The following AGBL1 variants were observed in gnomAD, a reference collection of about 807,000 sequenced individuals.
AGBL1 encodes cytosolic carboxypeptidase 4.
Under a neutral mutation model 118.9 loss-of-function variants are expected in AGBL1, and 130 were observed. The ratio of observed to expected loss-of-function variants is 1.09; its 90% CI spans 0.95 to 1.26. AGBL1 has a LOEUF of 1.26. AGBL1 is among the 50% of genes most tolerant of loss of function. The probability of loss-of-function intolerance (pLI) is 0.00; values close to 1 mark genes in which losing one functional copy is unlikely to be tolerated. For missense variants in AGBL1, 1,584 were observed against 1,298.1 expected, an observed-to-expected ratio of 1.22 and a Z score of -3.38; for synonymous variants, 555 against 478.9, an observed-to-expected ratio of 1.16 and a Z score of -2.08.
chr15:86,774,038 G>T (rs1405872429), intron 22 of AGBL1, among the ~76,000 whole-genome samples: 2 of 152,026 alleles, frequency 1.3e-5, no homozygotes, highest in African/African-American at 2.4e-5. Flanking sequence ...CTATTAATTA[G>T]GGCAGGTGGT....
At chr15:86,823,070 A>C (rs1327863818) in intron 22 of AGBL1, among the ~76,000 whole-genome samples, 1 of 152,186 alleles carries the variant, frequency 6.6e-6, no homozygotes, top group Non-Finnish European at 1.5e-5. Context: ...TTGACAATAG[A>C]AAATGATAGG....
intron 24 of AGBL1, among the ~76,000 whole-genome samples, chr15:87,021,349 G>A (rs185049117): frequency 1.3e-3 from 203 of 152,202 alleles, no homozygotes; most frequent in African/African-American, 4.6e-3. Flanking sequence ...ACTCAAGATG[G>A]TTTAAAGACT....
intron 19 of AGBL1, among the ~76,000 whole-genome samples, chr15:86,527,467 C>A (rs1470793308): frequency 6.6e-6 from 1 of 152,190 alleles, no homozygotes; most frequent in Admixed American, 6.5e-5. Context: ...AAATGCTGTT[C>A]ACAGTGTTAC....
intron 22 of AGBL1, among the ~76,000 whole-genome samples, chr15:86,685,614 G>A (rs1157462230): frequency 6.6e-6 from 1 of 151,830 alleles, no homozygotes; most frequent in East Asian, 1.9e-4. Context: ...GATTTGATAG[G>A]CATTATCTTA....
At chr15:86,114,760 A>T (rs565904468) in intron 1 of AGBL1, among the ~76,000 whole-genome samples, 4 of 152,208 alleles carry the variant, frequency 2.6e-5, no homozygotes, top group African/African-American at 9.6e-5. Context: ...ATGACAACCC[A>T]CACCATGCTT....
intron 17 of AGBL1, among the ~76,000 whole-genome samples, chr15:86,353,931 A>AC (rs1160715200): frequency 1.3e-5 from 2 of 152,208 alleles, no homozygotes; most frequent in Admixed American, 6.5e-5. Flanking sequence ...ATCCTTGAAA[A>AC]AGTAGGTGCT....
In AGBL1 at chr15:86,562,494, C is replaced by T. The variant is rs191903396; in HGVS notation, c.2994+7957C>T. 5.9e-4 allele frequency among the ~76,000 whole-genome samples: 90 copies of T among 152,278 alleles called. No individual in the cohort carries two copies. In the East Asian group the frequency reaches 0.016, roughly 28 times the overall value. ...AGCCATGCATCCCAGGGATGAAGCC[C>T]ACTTGATCATGGTGGATAAGCTTTT... On this transcript the variant is annotated intron_variant, in intron 21 of 22. Coordinates refer to ENST00000614907, the MANE Select transcript of AGBL1 (RefSeq NM_001386094.1).
rs773155148 is a variant in AGBL1 at position 86,314,185 on chromosome 15, G to T, written c.2374+18777G>T. On this transcript the variant is annotated intron_variant, in intron 17 of 22. Coordinates refer to ENST00000614907, the MANE Select transcript of AGBL1 (RefSeq NM_001386094.1). ...AGGAACTGACCTCTCCTGGGTATAG[G>T]TGGGATGGGTAGGAGCTATTCATGG... Among the ~76,000 whole-genome samples, 200 of 152,338 alleles carry T rather than the reference G, an allele frequency of 1.3e-3. 3 individuals carry two copies. The highest frequency in any genetic ancestry group is 6.8e-3 in the Middle Eastern group (2 of 294).
At chr15:86,446,384 G>T (rs77232446) in intron 18 of AGBL1, among the ~76,000 whole-genome samples, 1 of 152,160 alleles carries the variant, frequency 6.6e-6, no homozygotes, top group Non-Finnish European at 1.5e-5. Context: ...AGAAGCTCAA[G>T]GGAGCATTCT....
intron 21 of AGBL1, among the ~76,000 whole-genome samples, chr15:86,586,546 A>G (rs937116988): frequency 2.0e-5 from 3 of 152,174 alleles, no homozygotes; most frequent in Admixed American, 6.5e-5. Flanking sequence ...TAAAATATAT[A>G]AAGTGTTTTA....
intron 22 of AGBL1, among the ~76,000 whole-genome samples, chr15:86,733,154 T>C (rs1476202531): frequency 2.6e-5 from 4 of 151,670 alleles, no homozygotes; most frequent in Non-Finnish European, 5.9e-5. Flanking sequence ...AGTCTCAAGG[T>C]CTGCCATCTG....
intron 17 of AGBL1, among the ~76,000 whole-genome samples, chr15:86,354,564 G>A (rs1459873636): frequency 6.6e-6 from 1 of 152,156 alleles, no homozygotes; most frequent in Non-Finnish European, 1.5e-5. Flanking sequence ...AAACAGAGGA[G>A]AGACATATTA....
At chr15:86,774,435 A>T (rs2078223936) in intron 22 of AGBL1, among the ~76,000 whole-genome samples, 1 of 152,154 alleles carries the variant, frequency 6.6e-6, no homozygotes, top group African/African-American at 2.4e-5. Context: ...TATTCAATTT[A>T]TTCGTTGAGC....
At chr15:86,355,428 A>T (rs946928277) in intron 17 of AGBL1, among the ~76,000 whole-genome samples, 1 of 152,190 alleles carries the variant, frequency 6.6e-6, no homozygotes, top group Non-Finnish European at 1.5e-5. Context: ...CATTTTGATC[A>T]TTTTAAACTT....
chr15:86,202,733 C>G (rs2077927428), intron 5 of AGBL1, among the ~76,000 whole-genome samples: 1 of 152,144 alleles, frequency 6.6e-6, no homozygotes, highest in South Asian at 2.1e-4. Flanking sequence ...GGTCACCATA[C>G]TGGAAAAATT....
At chr15:86,472,018 A>C (rs1157458737) in intron 18 of AGBL1, among the ~76,000 whole-genome samples, 1 of 152,226 alleles carries the variant, frequency 6.6e-6, no homozygotes, top group African/African-American at 2.4e-5. Flanking sequence ...ATGTGAAGAC[A>C]GAACCACTGA....
chr15:86,120,108 ATAAAATCTAAACTCCCCAT>A (rs760732652), intron 1 of AGBL1, among the ~76,000 whole-genome samples: 50 of 152,276 alleles, frequency 3.3e-4, no homozygotes, highest in Admixed American at 2.0e-3. Context: ...TGCCTATAGG[ATAAAATCTAAACTCCCCAT>A]TAAAATCTAA....
chr15:86,167,202 G>A (rs1003500497), intron 5 of AGBL1, among the ~76,000 whole-genome samples: 20 of 151,864 alleles, frequency 1.3e-4, no homozygotes, highest in African/African-American at 4.8e-4. Context: ...GGACTCTTGT[G>A]GTTTCACCTT....
chr15:86,662,509 G>A (rs532494144), intron 21 of AGBL1, among the ~76,000 whole-genome samples: 1 of 152,338 alleles, frequency 6.6e-6, no homozygotes, highest in Non-Finnish European at 1.5e-5. Flanking sequence ...GCTACTTAAA[G>A]TAGAGAGATC....
Sources: gnomAD v4.1 joint callset for allele counts (sites outside exome capture counted in the v4.1 genomes callset) on GRCh38, gnomAD v4.1.1 for gene constraint, MANE v1.5 for transcripts, NCBI Gene and HGNC (gene_info 2026-07-23, HGNC 2026-07-21) for gene names.